CNBD1: variants seen among roughly 807,000 people sequenced by gnomAD.
CNBD1 encodes cyclic nucleotide binding domain containing 1.
A neutral mutation model predicts 54.4 loss-of-function variants in CNBD1; 71 were observed. The ratio of observed to expected loss-of-function variants is 1.30; its 90% CI spans 1.08 to 1.59. CNBD1 has a LOEUF of 1.59. CNBD1 is among the 40% of genes most tolerant of loss of function. The pLI is 0.00. For synonymous variants in CNBD1, 182 were observed against 170.7 expected (o/e 1.07, Z -0.51); for missense variants, 659 against 518.0 (o/e 1.27, Z -2.64).
chr8:87,041,733 A>G (rs1410786179), intron 4 of CNBD1, among the ~76,000 whole-genome samples: 1 of 152,178 alleles, frequency 6.6e-6, no homozygotes, highest in Non-Finnish European at 1.5e-5. Flanking sequence ...TGGGAGGCGG[A>G]GCTTGCAGTG....
chr8:87,389,917 A>G (rs1167754665), intron 2 of CNBD1, among the ~76,000 whole-genome samples: 1 of 152,198 alleles, frequency 6.6e-6, no homozygotes, highest in Non-Finnish European at 1.5e-5. Flanking sequence ...CCAATGGAAC[A>G]GAACAGAGCC....
intron 8 of CNBD1, among the ~76,000 whole-genome samples, chr8:87,307,885 T>C (rs539117096): frequency 2.0e-5 from 3 of 152,110 alleles, no homozygotes; most frequent in African/African-American, 7.2e-5. Flanking sequence ...CAAAATAATT[T>C]ATTGGTTTAT....
intron 4 of CNBD1, among the ~76,000 whole-genome samples, chr8:87,132,498 A>C (rs1475078145): frequency 6.6e-6 from 1 of 150,680 alleles, no homozygotes; most frequent in Admixed American, 6.6e-5. Context: ...GCTTGGACAT[A>C]ATTTTTTTTA....
intron 4 of CNBD1, among the ~76,000 whole-genome samples, chr8:86,994,151 C>T (rs574693061): frequency 6.6e-6 from 1 of 152,360 alleles, no homozygotes; most frequent in East Asian, 1.9e-4. Context: ...CTTTGCTCAG[C>T]ATTCCCAAGA....
chr8:87,070,953 G>A (rs1176547823), intron 4 of CNBD1, among the ~76,000 whole-genome samples: 5 of 151,954 alleles, frequency 3.3e-5, no homozygotes, highest in Non-Finnish European at 7.4e-5. Context: ...TATGTGAAAT[G>A]GGATAGGATA....
At chr8:87,385,574 G>T (rs533020790), downstream of CNBD1, among the ~76,000 whole-genome samples, 2 of 152,112 alleles carry the variant, frequency 1.3e-5, no homozygotes, top group South Asian at 2.1e-4. Flanking sequence ...TGGGGGAGGG[G>T]CGCCCACCGT....
At chr8:87,401,750 T>A (rs562662879) in intron 2 of CNBD1, among the ~76,000 whole-genome samples, 23 of 152,128 alleles carry the variant, frequency 1.5e-4, no homozygotes, top group African/African-American at 2.2e-4. Flanking sequence ...ATGGATTTTT[T>A]AAAAAAATTT....
intron 4 of CNBD1, among the ~76,000 whole-genome samples, chr8:86,952,696 T>C (rs989255401): frequency 9.2e-5 from 14 of 152,148 alleles, no homozygotes; most frequent in African/African-American, 2.7e-4. Context: ...TTGATAACTT[T>C]TGATACATGT....
At chr8:87,390,763 A>G (rs915436006) in intron 2 of CNBD1, among the ~76,000 whole-genome samples, 1 of 152,208 alleles carries the variant, frequency 6.6e-6, no homozygotes, top group Non-Finnish European at 1.5e-5. Context: ...AGGCTTATAA[A>G]ACATGCTGCT....
At chr8:87,346,787 A>G (rs1372688807) in intron 8 of CNBD1, among the ~76,000 whole-genome samples, 1 of 152,156 alleles carries the variant, frequency 6.6e-6, no homozygotes, top group Non-Finnish European at 1.5e-5. Flanking sequence ...TTCATTCAGA[A>G]ATAATTTATT....
At chr8:87,266,974 C>A (rs1383266909) in intron 6 of CNBD1, among the ~76,000 whole-genome samples, 1 of 152,200 alleles carries the variant, frequency 6.6e-6, no homozygotes, top group East Asian at 1.9e-4. Flanking sequence ...ACAGAAAACA[C>A]CTTAAGTAAC....
At chr8:86,907,665 T>TA (rs559202656) in intron 3 of CNBD1, among the ~76,000 whole-genome samples, 2,505 of 139,692 alleles carry the variant, frequency 0.018, 26 homozygotes, top group South Asian at 0.035. Flanking sequence ...TGACTCTATC[T>TA]AAAAAAAAAA....
chr8:87,350,460 G>A (rs1307088175), intron 8 of CNBD1, among the ~76,000 whole-genome samples: 2 of 151,756 alleles, frequency 1.3e-5, no homozygotes, highest in African/African-American at 4.8e-5. Context: ...TCCATTGTAT[G>A]TTGATGTTTA....
rs982801905 is a variant in CNBD1 at position 87,166,574 on chromosome 8, A to G, written c.432-39419A>G. On this transcript the variant is annotated intron_variant, in intron 4 of 10. Transcript: ENST00000518476. The surrounding 1 kb of genome is among the most constrained non-coding windows in gnomAD (Gnocchi z 4.3). ...ACACATGGCCTGAGGGATCTGGCCC[A>G]GCTCAGTTTCTCAATGTTCATTATT... 6.6e-6 allele frequency among the ~76,000 whole-genome samples: 1 copy of G among 151,992 alleles called. No homozygotes were observed. Among genetic ancestry groups the G allele is most frequent in the African/African-American group, 2.4e-5 (1 of 41,422 alleles).
intron 8 of CNBD1, among the ~76,000 whole-genome samples, chr8:87,307,554 A>C (rs1809181195): frequency 6.6e-6 from 1 of 152,098 alleles, no homozygotes; most frequent in Non-Finnish European, 1.5e-5. Flanking sequence ...CCTGGACAAC[A>C]TGGCGAAGTG....
chr8:87,318,919 G>T (rs764005451), intron 8 of CNBD1, among the ~76,000 whole-genome samples: 6 of 152,018 alleles, frequency 3.9e-5, no homozygotes, highest in Non-Finnish European at 7.4e-5. Context: ...AGCCAAACTT[G>T]TAAGAGTTTT....
chr8:87,137,523 A>C (rs1812281663), intron 4 of CNBD1, among the ~76,000 whole-genome samples: 1 of 151,996 alleles, frequency 6.6e-6, no homozygotes, highest in South Asian at 2.1e-4. Context: ...TTAATCTTGA[A>C]AACAAACTTA....
At chr8:87,075,683 A>G (rs1337715168) in intron 4 of CNBD1, among the ~76,000 whole-genome samples, 1 of 152,180 alleles carries the variant, frequency 6.6e-6, no homozygotes, top group East Asian at 1.9e-4. Context: ...TTCCTTGGCA[A>G]TAATCATTGT....
At chr8:87,350,925 C>G (rs1050139438) in intron 8 of CNBD1, among the ~76,000 whole-genome samples, 13 of 152,032 alleles carry the variant, frequency 8.6e-5, no homozygotes, top group African/African-American at 3.1e-4. Flanking sequence ...AATTCACCTT[C>G]AAATGTATCT....
Sources: gnomAD v4.1 joint callset for allele counts (sites outside exome capture counted in the v4.1 genomes callset) on GRCh38, gnomAD v4.1.1 for gene constraint, Gnocchi (gnomAD v3.1) non-coding constraint, MANE v1.5 for transcripts, NCBI Gene and HGNC (gene_info 2026-07-23, HGNC 2026-07-21) for gene names.